Variants in DLG2 observed in about 807,000 individuals in gnomAD.
DLG2 encodes discs large MAGUK scaffold protein 2.
Under a neutral mutation model 132.5 loss-of-function variants are expected in DLG2, and 45 were observed. The observed-to-expected ratio is 0.34, with a 90% CI of 0.27 to 0.44. The LOEUF is 0.44. Among genes scored for constraint, DLG2 ranks in the 20% least tolerant of loss-of-function variants. The pLI is 1.00. For synonymous variants in DLG2, 424 were observed against 419.6 expected (o/e 1.01, Z -0.13); for missense variants, 1,045 against 1,196.9 (o/e 0.87, Z 1.87).
chr11:84,591,325 T>G (rs915141858), intron 6 of DLG2, among the ~76,000 whole-genome samples: 2 of 151,432 alleles, frequency 1.3e-5, no homozygotes, highest in African/African-American at 2.4e-5. Context: ...TTTTTTTTTT[T>G]TTGTTTTGTT....
chr11:83,657,880 T>C (rs1591868607), intron 18 of DLG2, among the ~76,000 whole-genome samples: 1 of 152,174 alleles, frequency 6.6e-6, no homozygotes, highest in African/African-American at 2.4e-5. Flanking sequence ...TACCAAAGCA[T>C]TGGGCCAAGA....
At chr11:84,946,309 G>A (rs778017674) in intron 6 of DLG2, among the ~76,000 whole-genome samples, 4 of 152,078 alleles carry the variant, frequency 2.6e-5, no homozygotes, top group Non-Finnish European at 5.9e-5. Context: ...CACCACAGCT[G>A]GGGATGCTCT....
chr11:84,987,083 T>C (rs112227381), intron 6 of DLG2, among the ~76,000 whole-genome samples: 1,801 of 152,212 alleles, frequency 0.012, 28 homozygotes, highest in African/African-American at 0.036. Flanking sequence ...ACAAAATTAA[T>C]TTACACATAT....
chr11:84,629,526 CCTAGG>C (rs1263099507), intron 6 of DLG2, among the ~76,000 whole-genome samples: 1 of 152,166 alleles, frequency 6.6e-6, no homozygotes, highest in African/African-American at 2.4e-5. Context: ...GGCAGAAATG[CCTAGG>C]AAATGTTTCT....
chr11:83,611,952 T>G (rs2060178493), intron 19 of DLG2, among the ~76,000 whole-genome samples: 2 of 152,178 alleles, frequency 1.3e-5, no homozygotes, highest in Admixed American at 1.3e-4. Context: ...AGCATGCATT[T>G]GAAGTAGCAC....
chr11:84,748,385 A>G (rs2065664145), intron 6 of DLG2, among the ~76,000 whole-genome samples: 1 of 152,168 alleles, frequency 6.6e-6, no homozygotes, highest in Non-Finnish European at 1.5e-5. Context: ...ACCAATAACT[A>G]CATAATGAGA....
intron 6 of DLG2, among the ~76,000 whole-genome samples, chr11:84,899,199 G>A (rs553139068): frequency 6.6e-6 from 1 of 152,146 alleles, no homozygotes; most frequent in South Asian, 2.1e-4. Context: ...AATGTGTGAT[G>A]GTTCTTCAGA....
rs568040833 is a variant in DLG2, at chr11:84,010,106, A to C, written c.920-29464T>G. ...AAAAATGAATTTAAAATATATCTCA[A>C]GAAAAAATCTAAATAGTATGAAAAT... On this transcript the variant is annotated intron_variant, in intron 11 of 27. Coordinates refer to ENST00000376104, the MANE Select transcript of DLG2 (RefSeq NM_001142699.3). 8.5e-5 allele frequency among the ~76,000 whole-genome samples: 13 copies of C among 152,140 alleles called. 1 individual carries two copies. The highest frequency in any genetic ancestry group is 7.2e-4 in the Admixed American group (11 of 15,238).
intron 3 of DLG2, among the ~76,000 whole-genome samples, chr11:85,553,804 C>A (rs2153221452): frequency 6.6e-6 from 1 of 151,178 alleles, no homozygotes; most frequent in Admixed American, 6.6e-5. Flanking sequence ...AAAAGAAAAT[C>A]AATTTAAGAA....
At chr11:85,346,912 G>A (rs2082889198) in intron 3 of DLG2, among the ~76,000 whole-genome samples, 1 of 152,108 alleles carries the variant, frequency 6.6e-6, no homozygotes, top group Admixed American at 6.5e-5. Flanking sequence ...GGGGTTGTAG[G>A]CAAAAGGACA....
At chr11:84,115,687 G>C (rs1029769973) in intron 9 of DLG2, among the ~76,000 whole-genome samples, 8 of 152,104 alleles carry the variant, frequency 5.3e-5, no homozygotes, top group Non-Finnish European at 1.0e-4. Flanking sequence ...TCAGATCCCA[G>C]CTCAAGCGTT....
chr11:84,073,882 G>A (rs1268957087), intron 10 of DLG2, among the ~76,000 whole-genome samples: 1 of 152,182 alleles, frequency 6.6e-6, no homozygotes, highest in Admixed American at 6.5e-5. Context: ...GAAGTGTGGA[G>A]CATCTTAAAA....
At chr11:84,981,823 C>T (rs751422954) in intron 6 of DLG2, among the ~76,000 whole-genome samples, 4 of 152,016 alleles carry the variant, frequency 2.6e-5, no homozygotes, top group Non-Finnish European at 5.9e-5. Flanking sequence ...TCCTCACCTC[C>T]CACTCATCTT....
intron 7 of DLG2, among the ~76,000 whole-genome samples, chr11:84,444,903 A>C (rs2099028747): frequency 6.6e-6 from 1 of 151,856 alleles, no homozygotes; most frequent in African/African-American, 2.4e-5. Flanking sequence ...CCCAGGTTGA[A>C]GCGATTCTCC....
chr11:84,234,878 C>T (rs1214154826), intron 8 of DLG2, among the ~76,000 whole-genome samples: 1 of 152,228 alleles, frequency 6.6e-6, no homozygotes, highest in Non-Finnish European at 1.5e-5. Flanking sequence ...GGAAAATCTA[C>T]ATTCTGTAGA....
At chr11:85,595,180 A>C (rs190036615) in intron 3 of DLG2, among the ~76,000 whole-genome samples, 111 of 152,236 alleles carry the variant, frequency 7.3e-4, no homozygotes, top group African/African-American at 2.6e-3. Context: ...TATATATTCT[A>C]AATAAAAGAG....
intron 18 of DLG2, among the ~76,000 whole-genome samples, chr11:83,728,167 A>T (rs1394014504): frequency 2.0e-5 from 3 of 152,044 alleles, no homozygotes; most frequent in African/African-American, 7.2e-5. Flanking sequence ...CTTCCCTCTT[A>T]TGTCACGTTC....
intron 11 of DLG2, among the ~76,000 whole-genome samples, chr11:84,024,593 T>C (rs1185998737): frequency 6.6e-6 from 1 of 152,190 alleles, no homozygotes; most frequent in Non-Finnish European, 1.5e-5. Context: ...GGAGAAATTG[T>C]GTCATTCATG....
intron 6 of DLG2, among the ~76,000 whole-genome samples, chr11:84,569,767 A>G (rs780975785): frequency 6.6e-6 from 1 of 152,184 alleles, no homozygotes; most frequent in Non-Finnish European, 1.5e-5. Flanking sequence ...TTGTCCTACC[A>G]TACTCACTTA....
Sources: gnomAD v4.1 joint callset for allele counts (sites outside exome capture counted in the v4.1 genomes callset) on GRCh38, gnomAD v4.1.1 for gene constraint, MANE v1.5 for transcripts, NCBI Gene and HGNC (gene_info 2026-07-23, HGNC 2026-07-21) for gene names.